DEPDC1B: variants seen among roughly 807,000 people sequenced by gnomAD.
DEPDC1B encodes the protein DEP domain containing 1B.
A neutral mutation model predicts 66.5 loss-of-function variants in DEPDC1B; 51 were observed. That is an observed-to-expected ratio of 0.77 (90% CI 0.61 to 0.97). The LOEUF (loss-of-function observed/expected upper bound fraction) is 0.97. Ranked by LOEUF, DEPDC1B falls within the 50% of genes least tolerant of loss-of-function variation. The pLI, the probability that DEPDC1B is intolerant of heterozygous loss-of-function variation, is 0.00. For missense variants in DEPDC1B, 552 were observed against 637.1 expected (o/e 0.87, Z 1.44); for synonymous variants, 226 against 223.6 (o/e 1.01, Z -0.10).
intron 2 of DEPDC1B, among the ~76,000 whole-genome samples, chr5:60,680,404 C>T (rs978984597): frequency 1.3e-5 from 2 of 152,046 alleles, no homozygotes; most frequent in Non-Finnish European, 2.9e-5. Flanking sequence ...CTATACTGAA[C>T]ATCTTGAGTC....
chr5:60,677,030 G>A (rs571789275), intron 2 of DEPDC1B, among the ~76,000 whole-genome samples: 1 of 152,300 alleles, frequency 6.6e-6, no homozygotes, highest in East Asian at 1.9e-4. Flanking sequence ...GGAGGGATAT[G>A]TGAGGAAGGC....
intron 7 of DEPDC1B, among the ~76,000 whole-genome samples, chr5:60,617,929 A>G (rs1217525180): frequency 6.6e-6 from 1 of 152,228 alleles, no homozygotes; most frequent in Admixed American, 6.5e-5. Flanking sequence ...AGAAATTATG[A>G]CAGACTGTCT....
chr5:60,695,411 CA>C (rs1754632163), intron 1 of DEPDC1B, among the ~76,000 whole-genome samples: 1 of 152,244 alleles, frequency 6.6e-6, no homozygotes, highest in Non-Finnish European at 1.5e-5. Flanking sequence ...CACTTTTAAA[CA>C]ATCAGATCGC....
chr5:60,615,579 G>C (rs1752529642), intron 7 of DEPDC1B, among the ~76,000 whole-genome samples: 1 of 152,224 alleles, frequency 6.6e-6, no homozygotes, highest in African/African-American at 2.4e-5. Context: ...CAAACTGCAA[G>C]GTGGCAGCCA....
intron 7 of DEPDC1B, among the ~76,000 whole-genome samples, chr5:60,607,299 G>C (rs546799704): frequency 1.3e-5 from 2 of 152,336 alleles, no homozygotes; most frequent in East Asian, 3.9e-4. Flanking sequence ...GACGGGAAAG[G>C]AGGGCAGAAG....
chr5:60,611,961 G>A (rs1392594016), intron 7 of DEPDC1B, among the ~76,000 whole-genome samples: 2 of 152,180 alleles, frequency 1.3e-5, no homozygotes, highest in Non-Finnish European at 2.9e-5. Context: ...CCTTTAATGG[G>A]AGAAGATGCC....
chr5:60,667,684 T>TAA (rs1468350589), intron 2 of DEPDC1B, among the ~76,000 whole-genome samples: 2 of 142,348 alleles, frequency 1.4e-5, no homozygotes, highest in African/African-American at 2.6e-5. Flanking sequence ...TTTACATGTA[T>TAA]ATAATGGATA....
chr5:60,646,358 C>T, intron 3 of DEPDC1B, among the ~76,000 whole-genome samples: 1 of 152,126 alleles, frequency 6.6e-6, no homozygotes, highest in Non-Finnish European at 1.5e-5. Flanking sequence ...CCTTCTTACC[C>T]TCAACTGGCA....
In DEPDC1B at chr5:60,597,094, T is replaced by C. The variant is rs1209621622; in HGVS notation, c.*659A>G. 6.6e-6 allele frequency: 1 copy of C among 152,626 alleles called. No homozygotes were observed. Among genetic ancestry groups the C allele is most frequent in the Non-Finnish European group, 1.5e-5 (1 of 68,032 alleles). The allele number at this position is 152,626 out of a possible 1,614,324, so 9.5% of individuals were successfully genotyped here. A position where few individuals can be genotyped will look rare whatever the true frequency, so the allele number is the denominator to read the frequency against. Reference sequence around the variant, plus strand: ...TTTCCATTTTTAGCTAAGACTGAAATTATACCATTGCAGGCAGATGAAAAT... The same window carrying C: ...TTTCCATTTTTAGCTAAGACTGAAACTATACCATTGCAGGCAGATGAAAAT... On this transcript the variant is annotated 3_prime_UTR_variant, in exon 11 of 11. Transcript: ENST00000265036.
chr5:60,636,910 T>C (rs1439360556), intron 7 of DEPDC1B, among the ~76,000 whole-genome samples: 1 of 152,152 alleles, frequency 6.6e-6, no homozygotes, highest in Non-Finnish European at 1.5e-5. Context: ...CTGACTCCGA[T>C]ACTAATTTAG....
rs1448316986 is a variant in DEPDC1B, at chr5:60,688,848, A to C, written c.49-1621T>G. 3 of 243,912 alleles carry C rather than the reference A, an allele frequency of 1.2e-5. No homozygotes were observed. In the Admixed American group the frequency reaches 1.5e-4, roughly 12 times the overall value. The allele number at this position is 243,912 out of a possible 1,614,324, so 15.1% of individuals were successfully genotyped here. On this transcript the variant is annotated intron_variant, in intron 1 of 10. Transcript: ENST00000265036. ...AATGAGAGGTCTGCTAAGAAACAGC[A>C]CACCACACACTGATTGGATCCACGT...
intron 7 of DEPDC1B, among the ~76,000 whole-genome samples, chr5:60,634,214 C>T (rs1752988905): frequency 6.6e-6 from 1 of 152,322 alleles, no homozygotes; most frequent in African/African-American, 2.4e-5. Flanking sequence ...GAAGCACTGG[C>T]ATGCATGGTC....
chr5:60,642,754 T>C, intron 6 of DEPDC1B, 58 bp downstream of exon 6: 1 of 1,429,436 alleles, frequency 7.0e-7, no homozygotes, highest in Non-Finnish European at 9.7e-7. Flanking sequence ...AAATTTTTCC[T>C]AATTTAGGGC....
chr5:60,612,262 A>C (rs1014247383), intron 7 of DEPDC1B, among the ~76,000 whole-genome samples: 2 of 151,998 alleles, frequency 1.3e-5, no homozygotes, highest in South Asian at 4.2e-4. Flanking sequence ...ATCTCTACTA[A>C]AAATACAAAA....
chr5:60,667,642 A>T (rs921082047), intron 2 of DEPDC1B, among the ~76,000 whole-genome samples: 2 of 124,824 alleles, frequency 1.6e-5, no homozygotes, highest in Non-Finnish European at 3.5e-5. Context: ...CATATATGAA[A>T]AATGGATATT....
intron 1 of DEPDC1B, among the ~76,000 whole-genome samples, chr5:60,697,358 G>T (rs1033233668): frequency 6.6e-6 from 1 of 152,058 alleles, no homozygotes. Flanking sequence ...GAAAATAAAG[G>T]CCTAGTTTTT....
At chr5:60,668,111 T>TA (rs1561384836) in intron 2 of DEPDC1B, among the ~76,000 whole-genome samples, 13 of 77,386 alleles carry the variant, frequency 1.7e-4, no homozygotes, top group African/African-American at 7.0e-4. Context: ...AATGGATATT[T>TA]TATATATATA....
chr5:60,623,367 A>G (rs893817053), intron 7 of DEPDC1B, among the ~76,000 whole-genome samples: 5 of 152,140 alleles, frequency 3.3e-5, no homozygotes, highest in African/African-American at 1.2e-4. Flanking sequence ...CTAAATATCA[A>G]TATACTTTAC....
chr5:60,617,338 C>T (rs1432597705), intron 7 of DEPDC1B, among the ~76,000 whole-genome samples: 2 of 152,186 alleles, frequency 1.3e-5, no homozygotes, highest in African/African-American at 2.4e-5. Context: ...AAGACCCAAA[C>T]TGGCAAATTG....
Sources: allele counts gnomAD v4.1 joint callset (sites outside exome capture counted in the v4.1 genomes callset), GRCh38; gene constraint gnomAD v4.1.1; transcripts MANE v1.5; gene names NCBI Gene and HGNC (gene_info 2026-07-23, HGNC 2026-07-21).